POLR2B: variants seen among roughly 807,000 people sequenced by gnomAD.
The protein encoded by POLR2B is RNA polymerase II subunit B.
Under a neutral mutation model 144.6 loss-of-function variants are expected in POLR2B, and 57 were observed. The observed-to-expected ratio is 0.39, with a 90% confidence interval of 0.32 to 0.49. POLR2B has a LOEUF of 0.49. POLR2B is among the 20% of genes least tolerant of loss of function. The pLI, the probability that POLR2B is intolerant of heterozygous loss-of-function variation, is 0.83. For missense variants in POLR2B, 595 were observed against 1,467.4 expected, an observed-to-expected ratio of 0.41 and a Z score of 9.71; for synonymous variants, 442 against 469.8, an observed-to-expected ratio of 0.94 and a Z score of 0.77.
Position 57,030,261 on chromosome 4 carries a change from A to G in POLR2B, c.3297A>G (p.Ala1099=). The G allele has an allele frequency of 6.2e-7, 1 of 1,614,184 alleles. No homozygotes were observed. Among genetic ancestry groups the G allele is most frequent in the Middle Eastern group, 1.6e-4 (1 of 6,062 alleles). The change falls in exon 24 of 25, where the codon GCA becomes GCG. Residue 1099 remains alanine (A), a synonymous_variant. Transcript: ENST00000314595. The part of the protein sequence containing the change: ...MERDCQIAHG[A]AQFLRERLFE... ...GAGATTGTCAGATTGCCCATGGAGC[A>G]GCCCAGTTTTTAAGGGAAAGATTGT... is the stretch of plus-strand genomic sequence containing the variant.
chr4:56,999,481 T>C (rs947772453), intron 6 of POLR2B, 136 bp from the exon 7 acceptor site: 4 of 493,524 alleles, frequency 8.1e-6, no homozygotes, highest in Non-Finnish European at 1.4e-5. Context: ...CATAGGAGGT[T>C]CCTCACAGTA....
intron 1 of POLR2B, among the ~76,000 whole-genome samples, chr4:56,979,710 C>A (rs1722094716): frequency 1.3e-5 from 2 of 152,044 alleles, no homozygotes; most frequent in South Asian, 4.1e-4. Context: ...ACCAACCTGA[C>A]AAACATGGGG....
At chr4:56,999,870 G>C (rs2109672082) in intron 7 of POLR2B, 89 bp downstream of exon 7, 1 of 859,582 alleles carries the variant, frequency 1.2e-6, no homozygotes. Flanking sequence ...GTAGAAAGCT[G>C]TTCTGAAGAG....
In POLR2B at chr4:57,017,040, T is replaced by A; in HGVS notation, c.1956-3T>A. 6.4e-7 allele frequency: 1 copy of A among 1,551,828 alleles called. No homozygotes were observed. Among genetic ancestry groups the A allele is most frequent in the East Asian group, 2.3e-5 (1 of 42,736 alleles). Reference sequence around the variant, plus strand: ...GTAGAAAATTGAGTGAATTCTTTTTTAGTTGGCAGGATCTTGTGGCCAGTG... The same window carrying A: ...GTAGAAAATTGAGTGAATTCTTTTTAAGTTGGCAGGATCTTGTGGCCAGTG... On this transcript the variant is annotated splice_region_variant and splice_polypyrimidine_tract_variant and intron_variant, in intron 14 of 24. Coordinates refer to ENST00000314595, the MANE Select transcript of POLR2B (RefSeq NM_000938.3). This position sits in a 1 kb window ranked among gnomAD's most constrained non-coding sequence, Gnocchi z 4.8.
intron 9 of POLR2B, 84 bp downstream of exon 9, chr4:57,005,803 G>T: frequency 1.6e-6 from 2 of 1,258,594 alleles, no homozygotes; most frequent in Non-Finnish European, 2.2e-6. Context: ...AGGCTAAACT[G>T]TGTTGGCATC....
At chr4:56,997,199 A>ATT (rs1722717017) in intron 6 of POLR2B, among the ~76,000 whole-genome samples, 1 of 152,134 alleles carries the variant, frequency 6.6e-6, no homozygotes, top group Admixed American at 6.5e-5. Context: ...TATTACATAT[A>ATT]ACAGTTTTAT....
chr4:56,985,416 C>G (rs1722290548), intron 1 of POLR2B: 1 of 985,038 alleles, frequency 1.0e-6, no homozygotes, highest in Admixed American at 6.2e-5. Context: ...GGGGATGGCA[C>G]TCCCCCCCGC....
At chr4:56,985,537 A>G in intron 1 of POLR2B, 2 of 864,908 alleles carry the variant, frequency 2.3e-6, no homozygotes, top group Non-Finnish European at 2.8e-6. Flanking sequence ...AGTAGCTGGG[A>G]TTACAGGCAT....
At chr4:57,003,245 C>T (rs1046801116) in intron 7 of POLR2B, among the ~76,000 whole-genome samples, 4 of 150,230 alleles carry the variant, frequency 2.7e-5, no homozygotes, top group East Asian at 2.0e-4. Flanking sequence ...TCCTGGCCAA[C>T]GTAGTGAAAC....
chr4:57,024,197 A>T (rs1723638927), intron 21 of POLR2B, 85 bp downstream of exon 21: 3 of 686,704 alleles, frequency 4.4e-6, no homozygotes. Context: ...CATTTGAGCC[A>T]GGGTACTTTG....
intron 13 of POLR2B, among the ~76,000 whole-genome samples, chr4:57,013,055 G>A (rs1368995225): frequency 6.6e-6 from 1 of 152,066 alleles, no homozygotes; most frequent in Non-Finnish European, 1.5e-5. Context: ...TGGCCAGCCT[G>A]GTCTCGAACT....
intron 21 of POLR2B, 59 bp from the exon 22 acceptor site, chr4:57,024,827 G>C (rs1005761167): frequency 1.2e-6 from 1 of 802,828 alleles, no homozygotes; most frequent in African/African-American, 1.8e-5. Flanking sequence ...TTATTGATAT[G>C]ACTTTTAGGG....
At chr4:56,997,312 G>A (rs909350035) in intron 6 of POLR2B, among the ~76,000 whole-genome samples, 3 of 150,780 alleles carry the variant, frequency 2.0e-5, no homozygotes, top group South Asian at 2.1e-4. Flanking sequence ...AGGCTGGAGC[G>A]TAGTGGCGCG....
chr4:57,030,094 AG>A, intron 23 of POLR2B, 109 bp from the exon 24 acceptor site: 1 of 847,812 alleles, frequency 1.2e-6, no homozygotes, highest in Non-Finnish European at 1.9e-6. Context: ...TATAAAAATT[AG>A]AGCCTAGTTA....
Position 57,031,033 on chromosome 4 carries a change from T to A in POLR2B, c.*45T>A. On this transcript the variant is annotated 3_prime_UTR_variant, in exon 25 of 25. Transcript: ENST00000314595. ...AAGATAATTAAATATCTTGGTGTCT[T>A]GTTTCTATTGTGTGGCTTTTTAAAA... is the stretch of plus-strand genomic sequence containing the variant. 1 of 1,156,794 alleles carries A rather than the reference T, an allele frequency of 8.6e-7. No homozygotes were observed. Among genetic ancestry groups the A allele is most frequent in the Non-Finnish European group, 1.3e-6 (1 of 763,936 alleles). 71.7% of individuals were successfully genotyped at this position (1,156,794 alleles called of 1,614,324 possible).
chr4:57,014,511 T>C (rs957648351), intron 13 of POLR2B, among the ~76,000 whole-genome samples: 3 of 125,260 alleles, frequency 2.4e-5, no homozygotes, highest in African/African-American at 6.1e-5. Flanking sequence ...TTTCTTTTTT[T>C]TTTTTTTTTG....
chr4:57,023,660 AGGT>A lies in POLR2B; in HGVS notation c.2767-1_2768del. On this transcript the variant is annotated splice_acceptor_variant and coding_sequence_variant, in exon 20 of 25. Coordinates refer to ENST00000314595, the MANE Select transcript of POLR2B (RefSeq NM_000938.3). LOFTEE classifies it high-confidence loss of function. This position sits in a 1 kb window ranked among gnomAD's most constrained non-coding sequence, Gnocchi z 4.3. ...AACTAACTTATTTTTATATGAATTT[AGGT>A]ACGCTCTGTTAGGATTCCACAGATT... 6.2e-7 allele frequency: 1 copy of A among 1,611,606 alleles called. No individual in the cohort carries two copies. Among genetic ancestry groups the A allele is most frequent in the Non-Finnish European group, 8.5e-7 (1 of 1,178,472 alleles).
At chr4:57,030,533 G>T (rs1277307) in intron 24 of POLR2B, 134 bp downstream of exon 24, 571,243 of 622,392 alleles carry the variant, frequency 0.92, 262,363 homozygotes, top group East Asian at 0.98. Context: ...GTGAGATTCC[G>T]AGTTCTAAAT....
intron 6 of POLR2B, 104 bp downstream of exon 6, chr4:56,995,513 G>A (rs542240913): frequency 1.3e-6 from 1 of 745,454 alleles, no homozygotes; most frequent in South Asian, 2.6e-5. Flanking sequence ...GGAGCATATT[G>A]TTGTTATATA....
Sources: allele counts gnomAD v4.1 joint callset (sites outside exome capture counted in the v4.1 genomes callset), GRCh38; gene constraint gnomAD v4.1.1; non-coding constraint Gnocchi (gnomAD v3.1); transcripts MANE v1.5; gene names NCBI Gene and HGNC (gene_info 2026-07-23, HGNC 2026-07-21).